ZSCAN5A: variants seen among roughly 807,000 people sequenced by gnomAD.
ZSCAN5A encodes the protein zinc finger and SCAN domain-containing protein 5A.
Under a neutral mutation model 23.7 loss-of-function variants are expected in ZSCAN5A, and 12 were observed. The observed-to-expected ratio is 0.51, with a 90% CI of 0.32 to 0.82. ZSCAN5A has a LOEUF of 0.82. Ranked by LOEUF, ZSCAN5A falls within the 40% of genes least tolerant of loss-of-function variation. ZSCAN5A has a pLI of 0.03. For synonymous variants in ZSCAN5A, 257 were observed against 239.9 expected (o/e 1.07, Z -0.66); for missense variants, 597 against 617.9 (o/e 0.97, Z 0.36).
chr19:56,303,118 A>T (rs2040455359), intron 2 of ZSCAN5A: 1 of 377,560 alleles, frequency 2.6e-6, no homozygotes, highest in Admixed American at 4.5e-5. Flanking sequence ...GAGGGGAAGC[A>T]GGGGAAGCAT....
At chr19:56,359,153 A>C (rs947719409) in intron 2 of ZSCAN5A, among the ~76,000 whole-genome samples, 8 of 152,086 alleles carry the variant, frequency 5.3e-5, no homozygotes, top group Admixed American at 1.3e-4. Context: ...TCTTTGAAAA[A>C]AAAAATCAAT....
At chr19:56,329,453 G>A (rs1028497197) in intron 2 of ZSCAN5A, among the ~76,000 whole-genome samples, 1 of 151,882 alleles carries the variant, frequency 6.6e-6, no homozygotes, top group Non-Finnish European at 1.5e-5. Flanking sequence ...ATGCTAAGAG[G>A]GAAATAGGAG....
upstream of ZSCAN5A, chr19:56,319,678 T>G (rs1196984523): frequency 1.7e-6 from 1 of 579,616 alleles, no homozygotes; most frequent in African/African-American, 1.9e-5. Flanking sequence ...AGTGTGCTTT[T>G]CTTTGTCCTT....
intron 2 of ZSCAN5A, among the ~76,000 whole-genome samples, chr19:56,345,250 T>A (rs1440786568): frequency 2.0e-5 from 3 of 152,256 alleles, no homozygotes; most frequent in African/African-American, 7.2e-5. Context: ...AGTAGTCTTT[T>A]CTTTTTCTGA....
chr19:56,296,478 G>A (rs371673959), intron 2 of ZSCAN5A: 7 of 152,284 alleles, frequency 4.6e-5, no homozygotes, highest in Admixed American at 1.3e-4. Flanking sequence ...CTCTTTATCC[G>A]TATCATCATC....
intron 2 of ZSCAN5A, among the ~76,000 whole-genome samples, chr19:56,240,763 G>A (rs749851600): frequency 2.0e-5 from 3 of 152,100 alleles, no homozygotes; most frequent in Non-Finnish European, 2.9e-5. Flanking sequence ...TTAGAGACGG[G>A]GGTCTCACTC....
At chr19:56,343,544 A>G (rs553100124) in intron 2 of ZSCAN5A, 2 of 372,196 alleles carry the variant, frequency 5.4e-6, no homozygotes, top group East Asian at 1.4e-4. Flanking sequence ...TTGACGGCTC[A>G]CAACAACCCT....
chr19:56,302,378 TTC>T (rs1171925279), intron 2 of ZSCAN5A, among the ~76,000 whole-genome samples: 14 of 137,988 alleles, frequency 1.0e-4, no homozygotes, highest in Non-Finnish European at 2.0e-4. Context: ...TACTTCCTCC[TTC>T]TCTCTCCTCC....
At chr19:56,263,702 AGAG>A (rs1411182214) in intron 2 of ZSCAN5A, 1 of 152,208 alleles carries the variant, frequency 6.6e-6, no homozygotes, top group African/African-American at 2.4e-5. Context: ...GGGAGGCGAG[AGAG>A]GAGAGAATTA....
At chr19:56,273,387 AG>A (rs1464605218) in intron 2 of ZSCAN5A, among the ~76,000 whole-genome samples, 1 of 152,184 alleles carries the variant, frequency 6.6e-6, no homozygotes, top group African/African-American at 2.4e-5. Flanking sequence ...CATAACTCTG[AG>A]TTCCCATTTC....
intron 2 of ZSCAN5A, among the ~76,000 whole-genome samples, chr19:56,289,376 C>G (rs1256219596): frequency 1.3e-5 from 2 of 152,110 alleles, no homozygotes; most frequent in Admixed American, 6.6e-5. Flanking sequence ...GAGAAAGGGG[C>G]CAGGCCCTTT....
At chr19:56,305,872 C>T (rs971736986) in intron 2 of ZSCAN5A, among the ~76,000 whole-genome samples, 2 of 151,552 alleles carry the variant, frequency 1.3e-5, no homozygotes, top group East Asian at 1.9e-4. Context: ...ACACAGAAAA[C>T]AAGTGAAAGA....
At chr19:56,233,659 A>T (rs2034648274) in intron 2 of ZSCAN5A, among the ~76,000 whole-genome samples, 1 of 144,466 alleles carries the variant, frequency 6.9e-6, no homozygotes. Flanking sequence ...ACAGCTGCTT[A>T]AAAAAAAATA....
At chr19:56,360,879 A>T (rs988375920) in intron 2 of ZSCAN5A, among the ~76,000 whole-genome samples, 25 of 152,204 alleles carry the variant, frequency 1.6e-4, no homozygotes, top group Admixed American at 1.4e-3. Context: ...CAGCAAAAGA[A>T]AACTATCATC....
At chr19:56,258,157 A>T (rs562729820) in intron 2 of ZSCAN5A, among the ~76,000 whole-genome samples, 3 of 152,212 alleles carry the variant, frequency 2.0e-5, no homozygotes, top group Non-Finnish European at 2.9e-5. Flanking sequence ...AGCCTTTCGC[A>T]GGTTCCCAGG....
At chr19:56,260,545 T>C (rs2037053471) in intron 2 of ZSCAN5A, among the ~76,000 whole-genome samples, 1 of 151,890 alleles carries the variant, frequency 6.6e-6, no homozygotes, top group African/African-American at 2.4e-5. Context: ...TTCTTTTTTC[T>C]TTTTTTTCCC....
Position 56,270,465 on chromosome 19 carries a change from A to G in ZSCAN5A, c.-128+42818T>C, listed in dbSNP as rs189846616. 7.8e-4 allele frequency among the ~76,000 whole-genome samples: 119 copies of G among 152,270 alleles called. 1 individual carries two copies. In the Middle Eastern group the frequency reaches 0.017, roughly 22 times the overall value. On this transcript the variant is annotated intron_variant, in intron 2 of 5. Transcript: ENST00000683990. ...ATACATAGCTAGCAAGTTGTGCAAG[A>G]AAGATTCAGTGAAACACCATTTAGA...
intron 2 of ZSCAN5A, among the ~76,000 whole-genome samples, chr19:56,290,896 G>T (rs1371709833): frequency 6.6e-6 from 1 of 152,100 alleles, no homozygotes; most frequent in Non-Finnish European, 1.5e-5. Context: ...TTCAGGTGCT[G>T]GGAAGAAGAG....
At chr19:56,317,553 C>T (rs2041329808), upstream of ZSCAN5A, 1 of 152,276 alleles carries the variant, frequency 6.6e-6, no homozygotes, top group South Asian at 2.1e-4. Flanking sequence ...CACAGAGGGT[C>T]ACTTGGGTAA....
Sources: allele counts gnomAD v4.1 joint callset (sites outside exome capture counted in the v4.1 genomes callset), GRCh38; gene constraint gnomAD v4.1.1; transcripts MANE v1.5; gene names NCBI Gene and HGNC (gene_info 2026-07-23, HGNC 2026-07-21).